GRIN2A: variants seen among roughly 807,000 people sequenced by gnomAD.
The protein encoded by GRIN2A is glutamate receptor ionotropic, NMDA 2A.
In GRIN2A, 22 loss-of-function variants were observed where a neutral mutation model predicts 113.4. The ratio of observed to expected loss-of-function variants is 0.19; its 90% CI spans 0.14 to 0.28. The LOEUF (loss-of-function observed/expected upper bound fraction) is 0.28. GRIN2A is among the 10% of genes least tolerant of loss of function. GRIN2A has a pLI of 1.00. For synonymous variants in GRIN2A, 827 were observed against 738.4 expected (o/e 1.12, Z -1.94); for missense variants, 1,502 against 1,887.0 (o/e 0.80, Z 3.78).
chr16:10,168,138 A>C (rs1192832822), intron 2 of GRIN2A, among the ~76,000 whole-genome samples: 1 of 152,208 alleles, frequency 6.6e-6, no homozygotes, highest in Non-Finnish European at 1.5e-5. Flanking sequence ...TCTGTAGATG[A>C]GCTTCTTAGC....
intron 2 of GRIN2A, among the ~76,000 whole-genome samples, chr16:10,144,359 G>T (rs1314926886): frequency 6.6e-6 from 1 of 152,166 alleles, no homozygotes; most frequent in Non-Finnish European, 1.5e-5. Context: ...ACAGGTGTGA[G>T]ATAATTTCAC....
intron 2 of GRIN2A, among the ~76,000 whole-genome samples, chr16:10,153,218 G>C (rs1243295063): frequency 6.6e-6 from 1 of 152,122 alleles, no homozygotes; most frequent in Non-Finnish European, 1.5e-5. Context: ...GGGGTATTTG[G>C]GATATCTCTG....
At chr16:10,154,092 C>T (rs139197242) in intron 2 of GRIN2A, among the ~76,000 whole-genome samples, 23 of 152,284 alleles carry the variant, frequency 1.5e-4, no homozygotes, top group African/African-American at 4.8e-4. Flanking sequence ...CCTTTCCTGG[C>T]CCCTTGAATC....
intron 2 of GRIN2A, among the ~76,000 whole-genome samples, chr16:10,055,064 AAAAAAAAAAAAAAAAAAAAAAG>A (rs1567266334): frequency 1.6e-4 from 13 of 82,272 alleles, no homozygotes; most frequent in African/African-American, 2.3e-4. Context: ...AAAAAAAAAA[AAAAAAAAAAAAAAAAAAAAAAG>A]AAAAAAGAAA....
At chr16:9,885,683 T>A (rs1049496517) in intron 4 of GRIN2A, among the ~76,000 whole-genome samples, 18 of 152,118 alleles carry the variant, frequency 1.2e-4, no homozygotes, top group African/African-American at 4.3e-4. Flanking sequence ...TCCTCAGCAG[T>A]CTTTCCCCTC....
Position 10,051,341 on chromosome 16 carries a change from G to A in GRIN2A, c.415-112790C>T, listed in dbSNP as rs373618700. Reference sequence around the variant, plus strand: ...ACAGGAACAAGACACCTCCTGCATGGGTCTCAGAGTCTGATGGAAAGGGCA... The same window carrying A: ...ACAGGAACAAGACACCTCCTGCATGAGTCTCAGAGTCTGATGGAAAGGGCA... On this transcript the variant is annotated intron_variant, in intron 2 of 12. Transcript: ENST00000330684. Among the ~76,000 whole-genome samples, 24 of 152,262 alleles carry A rather than the reference G, an allele frequency of 1.6e-4. No homozygotes were observed. The South Asian group carries it at 5.0e-3, about 32-fold the overall frequency.
In GRIN2A at chr16:10,180,336, C is replaced by A. The variant is rs751198815; in HGVS notation, c.76G>T (p.Ala26Ser). 72 of 1,609,054 alleles carry A rather than the reference C, an allele frequency of 4.5e-5. No individual in the cohort carries two copies. Among genetic ancestry groups the A allele is most frequent in the Non-Finnish European group, 5.7e-5 (67 of 1,179,870 alleles). ...LVWRGPAPSA[A>S]AEKGPPALNI... ...AGCGCGGGGGGACCCTTCTCCGCCG[C>A]CGCGCTCGGCGCCGGACCGCGCCAG... Residue 26 changes from alanine to serine, a missense_variant, in exon 2 of 13, where the codon GCG (alanine) becomes TCG (serine). Ala to Ser is a moderately conservative substitution (Grantham distance 99). This residue lies in a region of GRIN2A where 149 missense variants were observed against 179.1 expected (regional missense o/e 0.83). Coordinates refer to ENST00000330684, the MANE Select transcript of GRIN2A (RefSeq NM_001134407.3). The surrounding 1 kb of genome is among the most constrained non-coding windows in gnomAD (Gnocchi z 7.0).
At chr16:10,074,344 C>T (rs2047825804) in intron 2 of GRIN2A, among the ~76,000 whole-genome samples, 1 of 152,208 alleles carries the variant, frequency 6.6e-6, no homozygotes, top group African/African-American at 2.4e-5. Flanking sequence ...ACACATAGAA[C>T]TCCTATATGA....
chr16:9,804,569 G>T (rs2041928367), intron 10 of GRIN2A, among the ~76,000 whole-genome samples: 1 of 152,044 alleles, frequency 6.6e-6, no homozygotes, highest in East Asian at 1.9e-4. Context: ...GTGGGATGTT[G>T]CCTGTGATGA....
At chr16:10,142,562 G>A (rs1199753946) in intron 2 of GRIN2A, among the ~76,000 whole-genome samples, 1 of 152,168 alleles carries the variant, frequency 6.6e-6, no homozygotes, top group Non-Finnish European at 1.5e-5. Flanking sequence ...GCATGGTGGT[G>A]TGCGGTGGTG....
At chr16:9,770,426 G>A (rs898126716) in intron 11 of GRIN2A, among the ~76,000 whole-genome samples, 3 of 152,048 alleles carry the variant, frequency 2.0e-5, no homozygotes, top group African/African-American at 7.2e-5. Context: ...TTTTTGGTTT[G>A]TTCTCACTCT....
Position 9,757,440 on chromosome 16 carries a change from T to G in GRIN2A, c.*5709A>C, listed in dbSNP as rs1278253201. The G allele has an allele frequency of 4.4e-6, 1 of 229,590 alleles. No individual in the cohort carries two copies. The highest frequency in any genetic ancestry group is 8.6e-6 in the Non-Finnish European group (1 of 115,892). 14.2% of individuals were successfully genotyped at this position (229,590 alleles called of 1,614,324 possible). On this transcript the variant is annotated 3_prime_UTR_variant, in exon 13 of 13. Transcript: ENST00000330684. Reference sequence around the variant, plus strand: ...TGGCTACAACTTTAGTTGTCATTTCTAATTTTTGCTGTTTAGTCTCTGTTT... The same window carrying G: ...TGGCTACAACTTTAGTTGTCATTTCGAATTTTTGCTGTTTAGTCTCTGTTT...
At chr16:9,897,325 C>T (rs1278003698) in intron 3 of GRIN2A, among the ~76,000 whole-genome samples, 1 of 151,954 alleles carries the variant, frequency 6.6e-6, no homozygotes, top group African/African-American at 2.4e-5. Flanking sequence ...TTCCTCTTCC[C>T]CTTGTGTTTT....
chr16:9,792,537 A>G (rs777841319), intron 11 of GRIN2A, among the ~76,000 whole-genome samples: 2 of 152,182 alleles, frequency 1.3e-5, no homozygotes, highest in African/African-American at 2.4e-5. Context: ...TATAATATCA[A>G]TGCGAGAGAT....
At chr16:10,178,751 G>A (rs141418265) in intron 2 of GRIN2A, among the ~76,000 whole-genome samples, 80 of 152,338 alleles carry the variant, frequency 5.3e-4, no homozygotes, top group South Asian at 8.3e-4. Context: ...GGTAGGAATC[G>A]CTGAAACAGA....
At chr16:10,141,286 C>T (rs549559182) in intron 2 of GRIN2A, among the ~76,000 whole-genome samples, 2 of 151,782 alleles carry the variant, frequency 1.3e-5, no homozygotes, top group South Asian at 2.1e-4. Context: ...GTCAGGAGTT[C>T]GAGACCAACG....
intron 3 of GRIN2A, among the ~76,000 whole-genome samples, chr16:9,918,400 TAAC>T (rs1176432194): frequency 6.6e-6 from 1 of 152,186 alleles, no homozygotes. Context: ...TGTAGGAGAT[TAAC>T]AACAATTATT....
intron 2 of GRIN2A, among the ~76,000 whole-genome samples, chr16:10,045,798 C>A (rs1180613443): frequency 3.9e-5 from 6 of 152,178 alleles, no homozygotes; most frequent in Admixed American, 6.5e-5. Flanking sequence ...CTGATGGAGT[C>A]CTCATTTTGT....
At chr16:10,111,657 C>A (rs925154246) in intron 2 of GRIN2A, 4 of 1,556,680 alleles carry the variant, frequency 2.6e-6, no homozygotes, top group African/African-American at 1.4e-5. Flanking sequence ...GTTTCATTCA[C>A]CACAACTGCA....
Sources: allele counts gnomAD v4.1 joint callset (sites outside exome capture counted in the v4.1 genomes callset), GRCh38; gene constraint gnomAD v4.1.1; regional missense constraint gnomAD v4.1.1; non-coding constraint Gnocchi (gnomAD v3.1); transcripts MANE v1.5; gene names NCBI Gene and HGNC (gene_info 2026-07-23, HGNC 2026-07-21).